The following EXOC4 variants were observed in gnomAD, a reference collection of about 807,000 sequenced individuals.
EXOC4 encodes the protein SEC8-like 1.
EXOC4 carries 71 observed loss-of-function variants against 107.2 expected under a neutral mutation model. The observed-to-expected ratio is 0.66, with a 90% CI of 0.55 to 0.81. EXOC4 has a LOEUF of 0.81. Among genes scored for constraint, EXOC4 ranks in the 30% least tolerant of loss-of-function variants. The pLI is 0.00. For missense variants in EXOC4, 1,108 were observed against 1,189.6 expected, an observed-to-expected ratio of 0.93 and a Z score of 1.01; for synonymous variants, 456 against 441.2, an observed-to-expected ratio of 1.03 and a Z score of -0.42.
chr7:133,623,246 C>T (rs968540428), intron 9 of EXOC4, among the ~76,000 whole-genome samples: 5 of 152,052 alleles, frequency 3.3e-5, no homozygotes, highest in Non-Finnish European at 4.4e-5. Context: ...ATTGACAAGA[C>T]GTTTACTTGT....
Position 133,717,287 on chromosome 7 carries a change from A to G in EXOC4, c.1514+87146A>G, listed in dbSNP as rs115076497. ...TAAAGTGAGCTTTATAATTTTATCA[A>G]TGATAGGAACAATCTTCTATTAGGT... On this transcript the variant is annotated intron_variant, in intron 10 of 17. Transcript: ENST00000253861. Among the ~76,000 whole-genome samples the G allele has an allele frequency of 2.4e-3, 360 of 152,346 alleles. 5 individuals carry two copies. Among genetic ancestry groups the G allele is most frequent in the African/African-American group, 8.0e-3 (334 of 41,590 alleles).
intron 14 of EXOC4, among the ~76,000 whole-genome samples, chr7:133,974,613 T>C (rs1793785969): frequency 1.3e-5 from 2 of 152,194 alleles, no homozygotes; most frequent in South Asian, 4.1e-4. Flanking sequence ...GAATGGCATT[T>C]TGTTCGTGCC....
At chr7:133,647,155 A>G (rs151328180) in intron 10 of EXOC4, among the ~76,000 whole-genome samples, 373 of 152,334 alleles carry the variant, frequency 2.4e-3, no homozygotes, top group Non-Finnish European at 4.2e-3. Context: ...ACTTGTCCCT[A>G]GAAATAGTAA....
intron 17 of EXOC4, among the ~76,000 whole-genome samples, chr7:134,048,935 T>C (rs1310558251): frequency 2.1e-5 from 3 of 140,246 alleles, no homozygotes; most frequent in Non-Finnish European, 4.6e-5. Flanking sequence ...CCATCCTCCA[T>C]GCTGCAGCTG....
intron 13 of EXOC4, among the ~76,000 whole-genome samples, chr7:133,923,729 G>A (rs988337120): frequency 1.3e-5 from 2 of 152,226 alleles, no homozygotes; most frequent in Non-Finnish European, 2.9e-5. Flanking sequence ...TCTTAATGGT[G>A]TCTTTTACTA....
At chr7:133,606,378 A>G (rs1180813715) in intron 9 of EXOC4, among the ~76,000 whole-genome samples, 1 of 151,994 alleles carries the variant, frequency 6.6e-6, no homozygotes, top group East Asian at 1.9e-4. Context: ...TCCCTGTTTC[A>G]TCATTGCAAA....
chr7:133,946,356 C>T (rs971733272), intron 14 of EXOC4, among the ~76,000 whole-genome samples: 1 of 152,196 alleles, frequency 6.6e-6, no homozygotes, highest in Admixed American at 6.5e-5. Flanking sequence ...TTCCCACCCC[C>T]TGCCTGACTC....
chr7:134,019,713 A>G (rs1794987377), intron 17 of EXOC4, among the ~76,000 whole-genome samples: 1 of 152,226 alleles, frequency 6.6e-6, no homozygotes, highest in African/African-American at 2.4e-5. Context: ...ACGTGAAGTA[A>G]GGCTACCATT....
intron 11 of EXOC4, among the ~76,000 whole-genome samples, chr7:133,858,813 A>G (rs529276715): frequency 8.5e-5 from 13 of 152,306 alleles, no homozygotes; most frequent in Admixed American, 8.5e-4. Context: ...AATTAGTCAA[A>G]TCAATGTTAC....
intron 5 of EXOC4, among the ~76,000 whole-genome samples, chr7:133,324,766 GT>G (rs1323749056): frequency 1.3e-5 from 2 of 152,180 alleles, no homozygotes; most frequent in East Asian, 3.9e-4. Context: ...GTATATCCTT[GT>G]TAACTTTCTG....
chr7:133,409,555 A>C (rs183140417), intron 7 of EXOC4, among the ~76,000 whole-genome samples: 13 of 152,326 alleles, frequency 8.5e-5, no homozygotes, highest in African/African-American at 2.9e-4. Flanking sequence ...TTACCTTTAG[A>C]GATCACTAAC....
chr7:134,060,671 A>G (rs1796035269), intron 17 of EXOC4, among the ~76,000 whole-genome samples: 2 of 152,074 alleles, frequency 1.3e-5, no homozygotes, highest in Non-Finnish European at 2.9e-5. Context: ...AGTTTGGGGC[A>G]TTTTTCTATT....
intron 10 of EXOC4, among the ~76,000 whole-genome samples, chr7:133,720,032 G>A (rs1295852981): frequency 6.6e-6 from 1 of 152,134 alleles, no homozygotes; most frequent in Non-Finnish European, 1.5e-5. Flanking sequence ...CCATCGCCAC[G>A]TTTGGCTGTG....
intron 9 of EXOC4, among the ~76,000 whole-genome samples, chr7:133,593,138 GAAA>G (rs1801588986): frequency 6.6e-6 from 1 of 152,184 alleles, no homozygotes; most frequent in South Asian, 2.1e-4. Context: ...ATTTTTTTGT[GAAA>G]GATTGGAGAG....
intron 10 of EXOC4, among the ~76,000 whole-genome samples, chr7:133,701,794 C>T (rs1430240830): frequency 2.0e-5 from 3 of 151,948 alleles, no homozygotes; most frequent in Non-Finnish European, 4.4e-5. Context: ...CATTTATTTT[C>T]ATATACACCA....
intron 10 of EXOC4, among the ~76,000 whole-genome samples, chr7:133,655,989 G>T (rs958183801): frequency 6.6e-6 from 1 of 152,116 alleles, no homozygotes; most frequent in African/African-American, 2.4e-5. Context: ...CAATACATGA[G>T]TAATGCATTG....
chr7:133,992,971 T>G (rs928709537), intron 14 of EXOC4, among the ~76,000 whole-genome samples: 1 of 152,006 alleles, frequency 6.6e-6, no homozygotes, highest in Admixed American at 6.6e-5. Context: ...GATATTGAAT[T>G]TTATCAAGAA....
chr7:133,883,706 ATTGAC>A (rs1799016606), intron 11 of EXOC4, among the ~76,000 whole-genome samples: 1 of 152,088 alleles, frequency 6.6e-6, no homozygotes, highest in Non-Finnish European at 1.5e-5. Context: ...ATGTCTTTTG[ATTGAC>A]ATGAACACTC....
At chr7:133,338,255 C>T (rs909356008) in intron 5 of EXOC4, among the ~76,000 whole-genome samples, 3 of 152,052 alleles carry the variant, frequency 2.0e-5, no homozygotes, top group Admixed American at 1.3e-4. Context: ...GAATATACCT[C>T]ATATACACTA....
Sources: gnomAD v4.1 joint callset for allele counts (sites outside exome capture counted in the v4.1 genomes callset) on GRCh38, gnomAD v4.1.1 for gene constraint, MANE v1.5 for transcripts, NCBI Gene and HGNC (gene_info 2026-07-23, HGNC 2026-07-21) for gene names.